MKLN1: variants seen among roughly 807,000 people sequenced by gnomAD.
MKLN1 encodes the protein muskelin 1, also known as muskelin.
Under a neutral mutation model 99.0 loss-of-function variants are expected in MKLN1, and 18 were observed. The ratio of observed to expected loss-of-function variants is 0.18; its 90% CI spans 0.13 to 0.27. The LOEUF is 0.27. MKLN1 is among the 10% of genes least tolerant of loss of function. The pLI is 1.00. For missense variants in MKLN1, 621 were observed against 875.9 expected, an observed-to-expected ratio of 0.71 and a Z score of 3.67; for synonymous variants, 288 against 293.2, an observed-to-expected ratio of 0.98 and a Z score of 0.18.
chr7:131,437,726 C>T, intron 9 of MKLN1, 59 bp from the exon 10 acceptor site: 1 of 1,296,856 alleles, frequency 7.7e-7, no homozygotes, highest in Non-Finnish European at 1.1e-6. Context: ...ATTATTTGTT[C>T]TTTGATTTTT....
intron 15 of MKLN1, among the ~76,000 whole-genome samples, chr7:131,468,338 A>C (rs930356256): frequency 5.3e-5 from 8 of 152,338 alleles, no homozygotes; most frequent in Middle Eastern, 6.8e-3. Flanking sequence ...TATAGACAGA[A>C]TAGAAGAAGT....
intron 2 of MKLN1, among the ~76,000 whole-genome samples, chr7:131,195,426 G>A (rs1275518897): frequency 1.3e-5 from 2 of 151,678 alleles, no homozygotes; most frequent in Non-Finnish European, 2.9e-5. Flanking sequence ...CAGGAGAATC[G>A]CTTGAACCTG....
intron 3 of MKLN1, among the ~76,000 whole-genome samples, chr7:131,320,997 T>A (rs1434181683): frequency 6.6e-6 from 1 of 152,172 alleles, no homozygotes; most frequent in Non-Finnish European, 1.5e-5. Flanking sequence ...TGTAAATTAA[T>A]CCAACCATTG....
At chr7:131,460,170 T>G (rs183010893) in intron 12 of MKLN1, among the ~76,000 whole-genome samples, 10 of 152,026 alleles carry the variant, frequency 6.6e-5, no homozygotes, top group Middle Eastern at 3.4e-3. Flanking sequence ...ACTCATAGGG[T>G]TTTTTTTCCC....
At chr7:131,310,869 T>C (rs899583901) in intron 3 of MKLN1, 1 of 152,156 alleles carries the variant, frequency 6.6e-6, no homozygotes, top group African/African-American at 2.4e-5. Flanking sequence ...TTTGGAGTAA[T>C]CAGGTAGAGA....
chr7:131,283,029 G>C (rs1420795672), intron 3 of MKLN1, among the ~76,000 whole-genome samples: 1 of 152,174 alleles, frequency 6.6e-6, no homozygotes, highest in East Asian at 1.9e-4. Flanking sequence ...GGGGAATTGG[G>C]CCTGTGCAAC....
At position 131,409,025 on chromosome 7, in the gene MKLN1, C is replaced by G. The variant is rs371059024; in HGVS notation, c.704-2281C>G. Reference sequence around the variant, plus strand: ...CTGATCTCTTGCTTTAGATTTTTGTCAAAAATAGACTTACAGAAATATTAG... The same window carrying G: ...CTGATCTCTTGCTTTAGATTTTTGTGAAAAATAGACTTACAGAAATATTAG... On this transcript the variant is annotated intron_variant, in intron 6 of 17. Transcript: ENST00000352689. Among the ~76,000 whole-genome samples, 337 of 152,146 alleles carry G rather than the reference C, an allele frequency of 2.2e-3. 1 individual carries two copies. The highest frequency in any genetic ancestry group is 7.7e-3 in the African/African-American group (318 of 41,508).
chr7:131,282,832 G>T (rs1798071824), intron 3 of MKLN1, among the ~76,000 whole-genome samples: 1 of 152,170 alleles, frequency 6.6e-6, no homozygotes, highest in Non-Finnish European at 1.5e-5. Context: ...CATATTCTCA[G>T]ATGGTGGGGC....
rs553953160 is a variant in MKLN1, at chr7:131,235,047, C to T, written c.-179+32073C>T. On this transcript the variant is annotated intron_variant, in intron 3 of 7. Coordinates refer to the MKLN1 transcript ENST00000416992. ...AGAATCCATTCAGTCTTCCCTGGTTCGGACATGAAGAACACGGGGCTCTTC... is the reference window on the plus strand; with the variant it reads ...AGAATCCATTCAGTCTTCCCTGGTTTGGACATGAAGAACACGGGGCTCTTC... Among the ~76,000 whole-genome samples the T allele has an allele frequency of 1.3e-4, 20 of 152,260 alleles. No homozygotes were observed. In the South Asian group the frequency reaches 2.1e-3, roughly 16 times the overall value.
chr7:131,322,351 G>C (rs964526408), intron 3 of MKLN1, among the ~76,000 whole-genome samples: 19 of 152,180 alleles, frequency 1.2e-4, no homozygotes, highest in African/African-American at 3.9e-4. Context: ...CAATAAATCA[G>C]TGTGTATTAG....
At chr7:131,411,222 A>G (rs918444250) in intron 6 of MKLN1, 84 bp from the exon 7 acceptor site, 3 of 751,862 alleles carry the variant, frequency 4.0e-6, no homozygotes, top group East Asian at 2.8e-5. Context: ...CTTTTAATGT[A>G]GCCTTTTAAA....
intron 1 of MKLN1, among the ~76,000 whole-genome samples, chr7:131,344,736 C>T (rs138659217): frequency 9.9e-5 from 15 of 152,252 alleles, no homozygotes; most frequent in Non-Finnish European, 1.9e-4. Context: ...ATGCAAAAAA[C>T]GTGGTTCTCA....
At chr7:131,124,824 A>G (rs1795429283) in intron 1 of MKLN1, among the ~76,000 whole-genome samples, 1 of 151,520 alleles carries the variant, frequency 6.6e-6, no homozygotes, top group Admixed American at 6.6e-5. Context: ...TGCTGCCTAC[A>G]CCCCTGCTGT....
chr7:131,365,753 T>C (rs1180505753), intron 1 of MKLN1, among the ~76,000 whole-genome samples: 2 of 152,212 alleles, frequency 1.3e-5, no homozygotes, highest in Non-Finnish European at 2.9e-5. Context: ...CAGATGATCG[T>C]AGGTATGTGG....
chr7:131,495,334 G>A lies in MKLN1; in HGVS notation c.*7606G>A, dbSNP rs564297512. 6.6e-6 allele frequency: 1 copy of A among 152,256 alleles called. No individual in the cohort carries two copies. Among genetic ancestry groups the A allele is most frequent in the African/African-American group, 2.4e-5 (1 of 41,548 alleles). 9.4% of individuals were successfully genotyped at this position (152,256 alleles called of 1,614,324 possible). ...ATTAATGCTGTGAATCGCTCCTTCT[G>A]TTTGTGAAAACATCTCCTGGACTGG... is the stretch of plus-strand genomic sequence containing the variant. On this transcript the variant is annotated 3_prime_UTR_variant, in exon 18 of 18. Transcript: ENST00000352689.
At chr7:131,465,497 C>A (rs1796633113) in intron 14 of MKLN1, among the ~76,000 whole-genome samples, 1 of 152,012 alleles carries the variant, frequency 6.6e-6, no homozygotes, top group African/African-American at 2.4e-5. Flanking sequence ...TTATATGTGC[C>A]ATTTAATATT....
At chr7:131,245,363 G>A (rs992504762) in intron 3 of MKLN1, among the ~76,000 whole-genome samples, 48 of 151,286 alleles carry the variant, frequency 3.2e-4, no homozygotes, top group Non-Finnish European at 1.2e-4. Flanking sequence ...TGTCTCCTAG[G>A]TTCAAGCAAT....
rs1195026731 is a variant in MKLN1, at chr7:131,490,305, T to G, written c.*2577T>G. 4 of 152,602 alleles carry G rather than the reference T, an allele frequency of 2.6e-5. No individual in the cohort carries two copies. Among genetic ancestry groups the G allele is most frequent in the African/African-American group, 7.2e-5 (3 of 41,466 alleles). The allele number at this position is 152,602 out of a possible 1,614,324, so 9.5% of individuals were successfully genotyped here. ...AATTAAGTGGGATACAGTTTTCTCA[T>G]TTGTATTATCTCCAGCTTCAACCTC... On this transcript the variant is annotated 3_prime_UTR_variant, in exon 18 of 18. Coordinates refer to ENST00000352689, the MANE Select transcript of MKLN1 (RefSeq NM_013255.5).
At chr7:131,378,903 A>C (rs2116859163) in intron 2 of MKLN1, among the ~76,000 whole-genome samples, 1 of 149,550 alleles carries the variant, frequency 6.7e-6, no homozygotes, top group Non-Finnish European at 1.5e-5. Flanking sequence ...TTTTTTTGGA[A>C]GCTGGAACCT....
Sources: gnomAD v4.1 joint callset for allele counts (sites outside exome capture counted in the v4.1 genomes callset) on GRCh38, gnomAD v4.1.1 for gene constraint, MANE v1.5 for transcripts, NCBI Gene and HGNC (gene_info 2026-07-23, HGNC 2026-07-21) for gene names.